PBDC1: variants seen among roughly 807,000 people sequenced by gnomAD.
The protein encoded by PBDC1 is protein PBDC1.
A neutral mutation model predicts 12.0 loss-of-function variants in PBDC1; 3 were observed. That is an observed-to-expected ratio of 0.25 (90% CI 0.11 to 0.64). PBDC1 has a LOEUF of 0.64. Among genes scored for constraint, PBDC1 ranks in the 30% least tolerant of loss-of-function variants. The pLI is 0.84. For missense variants in PBDC1, 162 were observed against 168.1 expected (o/e 0.96, Z 0.20); for synonymous variants, 64 against 56.4 (o/e 1.13, Z -0.60).
Position 76,173,178 on chromosome X carries a change from T to C in PBDC1, c.30+10T>C, listed in dbSNP as rs1370475463. ...TGGAACTGATGAGCCGGTGAGACGCTGTTCTGGGGTCGGGTGAGTGGGGAG... is the reference window on the plus strand; with the variant it reads ...TGGAACTGATGAGCCGGTGAGACGCCGTTCTGGGGTCGGGTGAGTGGGGAG... On this transcript the variant is annotated intron_variant, in intron 1 of 5. Coordinates refer to ENST00000373358, the MANE Select transcript of PBDC1 (RefSeq NM_016500.5). 2.6e-6 allele frequency: 3 copies of C among 1,163,954 alleles called. No individual in the cohort carries two copies. Among genetic ancestry groups the C allele is most frequent in the Non-Finnish European group, 3.4e-6 (3 of 871,525 alleles).
At chrX:76,176,435 G>A (rs782645700) in intron 4 of PBDC1, among the ~76,000 whole-genome samples, 16 of 111,603 alleles carry the variant, frequency 1.4e-4, no homozygotes, top group Non-Finnish European at 2.4e-4. Context: ...GATTGCAGGC[G>A]TGAGCCACCA....
intron 4 of PBDC1, 37 bp from the exon 5 acceptor site, chrX:76,176,844 G>T (rs782176142): frequency 1.1e-6 from 1 of 947,344 alleles, no homozygotes; most frequent in South Asian, 2.0e-5. Flanking sequence ...TCAGCCTCTT[G>T]CATTTGTCAG....
intron 4 of PBDC1, among the ~76,000 whole-genome samples, chrX:76,176,071 A>C (rs1924781887): frequency 8.9e-6 from 1 of 112,206 alleles, no homozygotes; most frequent in Non-Finnish European, 1.9e-5. Context: ...TTAGGAAAAA[A>C]ATGTTTTCCT....
chrX:76,177,924 G>C lies in PBDC1; in HGVS notation c.*16G>C. 1 of 1,207,856 alleles carries C rather than the reference G, an allele frequency of 8.3e-7. No homozygotes were observed. Among genetic ancestry groups the C allele is most frequent in the African/African-American group, 1.7e-5 (1 of 57,706 alleles). On this transcript the variant is annotated 3_prime_UTR_variant, in exon 6 of 6. Transcript: ENST00000373358. ...AGCTATGTAAGGTATACAGGGAACA[G>C]CACTCTAGAAGCTATGACTCAATTG... is the stretch of plus-strand genomic sequence containing the variant.
chrX:76,174,798 A>G, intron 2 of PBDC1, 92 bp from the exon 3 acceptor site: 2 of 679,736 alleles, frequency 2.9e-6, no homozygotes, highest in South Asian at 4.7e-5. Context: ...AGCCCTCTTG[A>G]GCATTAACTA....
At position 76,173,075 on chromosome X, in the gene PBDC1, G is replaced by C; in HGVS notation, c.-64G>C. On this transcript the variant is annotated 5_prime_UTR_variant, in exon 1 of 6. Coordinates refer to ENST00000373358, the MANE Select transcript of PBDC1 (RefSeq NM_016500.5). ...CACGGTGGAGCCGCCAGTTGAGAAG[G>C]ACTCTGATCCGGCTCAGCTTTCCAA... 8.9e-7 allele frequency: 1 copy of C among 1,119,987 alleles called. No individual in the cohort carries two copies. Among genetic ancestry groups the C allele is most frequent in the South Asian group, 1.9e-5 (1 of 51,660 alleles). 92.3% of individuals were successfully genotyped at this position (1,119,987 alleles called of 1,213,427 possible).
intron 1 of PBDC1, 80 bp from the exon 2 acceptor site, chrX:76,173,505 G>T: frequency 2.8e-6 from 2 of 706,061 alleles, no homozygotes; most frequent in Non-Finnish European, 4.2e-6. Context: ...TTACAGGCAC[G>T]AGTCACTGCG....
intron 5 of PBDC1, among the ~76,000 whole-genome samples, chrX:76,177,312 G>T (rs186454051): frequency 9.0e-6 from 1 of 111,104 alleles, no homozygotes; most frequent in Non-Finnish European, 1.9e-5. Context: ...ACTTTGGGAG[G>T]CTGACATGGG....
At position 76,177,818 on chromosome X, in the gene PBDC1, A is replaced by G. The variant is rs782578760; in HGVS notation, c.612A>G (p.Gly204=). The stretch of plus-strand genomic sequence containing the variant: ...ATAGTGGAGAAGAAAAAGAGGAAGG[A>G]ATCAACAGAGAAGACAAAACTGACA... The part of the protein sequence containing the change: ...GADSGEEKEE[G]INREDKTDKG... Residue 204 remains glycine, a synonymous_variant, in exon 6 of 6, where the codon GGA becomes GGG. Coordinates refer to ENST00000373358, the MANE Select transcript of PBDC1 (RefSeq NM_016500.5). 1.7e-5 allele frequency: 20 copies of G among 1,204,732 alleles called. No homozygotes were observed. In the South Asian group the frequency reaches 3.2e-4, roughly 19 times the overall value.
Position 76,173,163 on chromosome X carries a change from G to A in PBDC1, c.25G>A (p.Glu9Lys). 3 of 1,177,029 alleles carry A rather than the reference G, an allele frequency of 2.5e-6. No homozygotes were observed. The highest frequency in any genetic ancestry group is 2.4e-4 in the Middle Eastern group (1 of 4,236). ...GATGGCGGCCACCAGTGGAACTGAT[G>A]AGCCGGTGAGACGCTGTTCTGGGGT... MAATSGTD[E>K]PVSGELVSVA... Residue 9 changes from glutamate (E) to lysine (K), a missense_variant, in exon 1 of 6, where the codon GAG (glutamate) becomes AAG (lysine). By Grantham distance (56) the Glu-to-Lys change is moderately conservative. Coordinates refer to ENST00000373358, the MANE Select transcript of PBDC1 (RefSeq NM_016500.5).
chrX:76,176,193 GC>G lies in PBDC1; in HGVS notation c.297+583del, dbSNP rs1268965684. Among the ~76,000 whole-genome samples, 7 of 102,539 alleles carry G rather than the reference GC, an allele frequency of 6.8e-5. No individual in the cohort carries two copies. The East Asian group carries it at 2.1e-3, about 30-fold the overall frequency. 89.0% of individuals were successfully genotyped at this position (102,539 alleles called of 115,157 possible). ...TTTTGATACAGGGTCTCACTCTGTT[GC>G]CCAGGCTGGAGTGCGGTGGTGCCAT... On this transcript the variant is annotated intron_variant, in intron 4 of 5. Coordinates refer to ENST00000373358, the MANE Select transcript of PBDC1 (RefSeq NM_016500.5).
At position 76,173,604 on chromosome X, in the gene PBDC1, C is replaced by T. The variant is rs782756723; in HGVS notation, c.50C>T (p.Ser17Phe). The change falls in exon 2 of 6, where the codon TCT (serine) becomes TTT (phenylalanine). Residue 17 changes from serine to phenylalanine, a missense_variant. Physicochemically the swap from Ser to Phe is radical, Grantham distance 155. Transcript: ENST00000373358. ...TDEPVSGELVSVAHALSLPAE... is the reference protein window; with the variant it reads ...TDEPVSGELVFVAHALSLPAE... ...TTCTAGGTTTCCGGGGAGTTGGTGTCTGTGGCACATGCGCTTTCTCTCCCA... is the reference window on the plus strand; with the variant it reads ...TTCTAGGTTTCCGGGGAGTTGGTGTTTGTGGCACATGCGCTTTCTCTCCCA... 1 of 1,197,722 alleles carries T rather than the reference C, an allele frequency of 8.3e-7. No individual in the cohort carries two copies. The highest frequency in any genetic ancestry group is 1.8e-5 in the South Asian group (1 of 54,176).
At chrX:76,173,197 T>C in intron 1 of PBDC1, 29 bp downstream of exon 1, 4 of 1,134,763 alleles carry the variant, frequency 3.5e-6, no homozygotes, top group Non-Finnish European at 3.5e-6. Context: ...GTCGGGTGAG[T>C]GGGGAGGTCG....
At chrX:76,173,544 G>C in intron 1 of PBDC1, 41 bp from the exon 2 acceptor site, 1 of 1,091,472 alleles carries the variant, frequency 9.2e-7, no homozygotes, top group African/African-American at 1.8e-5. Flanking sequence ...CACCGCGCCC[G>C]GCCTTGGGGG....
rs868906387 is a variant in PBDC1 at position 76,178,133 on chromosome X, A to G, written c.*225A>G. 19 of 492,025 alleles carry G rather than the reference A, an allele frequency of 3.9e-5. 1 individual carries two copies. The Middle Eastern group carries it at 4.8e-3, about 124-fold the overall frequency. 40.5% of individuals were successfully genotyped at this position (492,025 alleles called of 1,213,427 possible). On this transcript the variant is annotated 3_prime_UTR_variant, in exon 6 of 6. Transcript: ENST00000373358. ...GGTGTTAGTTGATTTTTCCTGGTAT[A>G]CTGTTTCTTGGCTGACACTACTGGT...
chrX:76,173,478 C>A lies in PBDC1; in HGVS notation c.31-107C>A, dbSNP rs782238865. 127 of 570,862 alleles carry A rather than the reference C, an allele frequency of 2.2e-4. No homozygotes were observed. In the African/African-American group the frequency reaches 2.7e-3, roughly 12 times the overall value. The allele number at this position is 570,862 out of a possible 1,213,427, so 47.0% of individuals were successfully genotyped here. On this transcript the variant is annotated intron_variant, in intron 1 of 5. Transcript: ENST00000373358. Reference sequence around the variant, plus strand: ...GCTCAGGCGATCCGCCCGCCTCGGCCTCCCAAAGTGCTGGGATTACAGGCA... The same window carrying A: ...GCTCAGGCGATCCGCCCGCCTCGGCATCCCAAAGTGCTGGGATTACAGGCA...
intron 3 of PBDC1, among the ~76,000 whole-genome samples, 188 bp from the exon 4 acceptor site, chrX:76,175,285 G>A (rs1380654849): frequency 4.5e-5 from 5 of 112,207 alleles, no homozygotes; most frequent in Non-Finnish European, 1.9e-5. Context: ...CCAAATTGGT[G>A]GAAGGGATTG....
chrX:76,174,722 C>G (rs1556796762), intron 2 of PBDC1, among the ~76,000 whole-genome samples, 168 bp from the exon 3 acceptor site: 2 of 112,108 alleles, frequency 1.8e-5, no homozygotes, highest in African/African-American at 6.5e-5. Context: ...GTCATACAGA[C>G]AAAATAATTA....
chrX:76,175,456 G>A lies in PBDC1; in HGVS notation c.157-17G>A, dbSNP rs1431240769. ...AATTACAGACTAGCATCTGTATGTT[G>A]TCTTACTGTTTCGCAGCTGATTTCA... On this transcript the variant is annotated splice_polypyrimidine_tract_variant and intron_variant, in intron 3 of 5. Coordinates refer to ENST00000373358, the MANE Select transcript of PBDC1 (RefSeq NM_016500.5). The A allele has an allele frequency of 1.7e-6, 2 of 1,200,089 alleles. No homozygotes were observed. The highest frequency in any genetic ancestry group is 2.3e-6 in the Non-Finnish European group (2 of 886,798).
Sources: gnomAD v4.1 joint callset for allele counts (sites outside exome capture counted in the v4.1 genomes callset) on GRCh38, gnomAD v4.1.1 for gene constraint, MANE v1.5 for transcripts, NCBI Gene and HGNC (gene_info 2026-07-23, HGNC 2026-07-21) for gene names.